Variants in MDGA2 observed in about 807,000 individuals in gnomAD.
MDGA2 encodes MAM domain-containing glycosylphosphatidylinositol anchor protein 2.
In MDGA2, 40 loss-of-function variants were observed where a neutral mutation model predicts 117.8. That is an observed-to-expected ratio of 0.34 (90% CI 0.26 to 0.44). The LOEUF (loss-of-function observed/expected upper bound fraction) is 0.44. Among genes scored for constraint, MDGA2 ranks in the 20% least tolerant of loss-of-function variants. MDGA2 has a pLI of 1.00. For missense variants in MDGA2, 1,123 were observed against 1,250.6 expected, an observed-to-expected ratio of 0.90 and a Z score of 1.54; for synonymous variants, 452 against 439.0, an observed-to-expected ratio of 1.03 and a Z score of -0.37.
chr14:47,080,193 C>T (rs11157540), intron 6 of MDGA2, among the ~76,000 whole-genome samples: 128,373 of 152,106 alleles, frequency 0.84, 54,608 homozygotes, highest in East Asian at 0.97. Flanking sequence ...TCATTACAGA[C>T]AGGGTAGAAG....
chr14:46,842,643 G>C (rs560405234), intron 16 of MDGA2, among the ~76,000 whole-genome samples: 1 of 152,280 alleles, frequency 6.6e-6, no homozygotes, highest in South Asian at 2.1e-4. Flanking sequence ...TGGGATTTCT[G>C]TTAAAACCTG....
chr14:47,380,188 A>G (rs1020083735), intron 1 of MDGA2, among the ~76,000 whole-genome samples: 5 of 152,182 alleles, frequency 3.3e-5, no homozygotes, highest in African/African-American at 1.2e-4. Context: ...CAAAGACACA[A>G]CATACGAGAA....
intron 1 of MDGA2, among the ~76,000 whole-genome samples, chr14:47,515,118 T>C (rs1894724588): frequency 6.6e-6 from 1 of 152,156 alleles, no homozygotes; most frequent in Admixed American, 6.6e-5. Flanking sequence ...AGTTAGAAAG[T>C]AATGGTAAAG....
At chr14:46,938,215 C>T (rs1189535657) in intron 9 of MDGA2, among the ~76,000 whole-genome samples, 1 of 151,846 alleles carries the variant, frequency 6.6e-6, no homozygotes, top group African/African-American at 2.4e-5. Context: ...CATCACTAAT[C>T]ATCAGGGAAA....
At chr14:47,140,460 T>C (rs1470781506) in intron 4 of MDGA2, among the ~76,000 whole-genome samples, 1 of 151,952 alleles carries the variant, frequency 6.6e-6, no homozygotes, top group Non-Finnish European at 1.5e-5. Context: ...CAAAACAGCA[T>C]AGTACTGACA....
At chr14:47,517,516 GA>G (rs557293057) in intron 1 of MDGA2, among the ~76,000 whole-genome samples, 11 of 151,496 alleles carry the variant, frequency 7.3e-5, no homozygotes, top group African/African-American at 2.4e-4. Flanking sequence ...GATGAGATTT[GA>G]AAAAAAATCA....
intron 8 of MDGA2, among the ~76,000 whole-genome samples, chr14:46,972,960 A>G (rs28431321): frequency 0.035 from 5,324 of 152,234 alleles, 301 homozygotes; most frequent in African/African-American, 0.12. Context: ...AAAATGGGCC[A>G]AAGACCTTAA....
intron 1 of MDGA2, among the ~76,000 whole-genome samples, chr14:47,596,207 TA>T (rs1311422495): frequency 6.6e-6 from 1 of 152,220 alleles, no homozygotes; most frequent in African/African-American, 2.4e-5. Context: ...TAATTATATC[TA>T]AATGAAATTT....
intron 1 of MDGA2, among the ~76,000 whole-genome samples, chr14:47,374,108 A>G (rs1891425100): frequency 6.6e-6 from 1 of 152,142 alleles, no homozygotes; most frequent in Admixed American, 6.6e-5. Flanking sequence ...ATAATATGCC[A>G]TATTTTTCTT....
intron 3 of MDGA2, among the ~76,000 whole-genome samples, chr14:47,174,642 C>T (rs1884350301): frequency 6.6e-6 from 1 of 152,028 alleles, no homozygotes; most frequent in South Asian, 2.1e-4. Context: ...GGGACACATT[C>T]AAAGCAGTGA....
At chr14:47,584,078 G>A (rs1896277760) in intron 1 of MDGA2, among the ~76,000 whole-genome samples, 2 of 151,854 alleles carry the variant, frequency 1.3e-5, no homozygotes, top group Admixed American at 1.3e-4. Context: ...TGAGAAACTT[G>A]TAAATGTTTA....
Position 47,603,919 on chromosome 14 carries a change from C to T in MDGA2, c.280+70598G>A, listed in dbSNP as rs142234092. On this transcript the variant is annotated intron_variant, in intron 1 of 16. Transcript: ENST00000399232. ...GGTACCTTCCCTGCTCTCTTTCTTG[C>T]TCCTGCTCTTGCCATGTGAAGTGCC... 1.8e-3 allele frequency among the ~76,000 whole-genome samples: 272 copies of T among 152,260 alleles called. 4 individuals are homozygous for T. Among genetic ancestry groups the T allele is most frequent in the African/African-American group, 6.4e-3 (267 of 41,552 alleles).
intron 3 of MDGA2, among the ~76,000 whole-genome samples, chr14:47,176,288 T>C (rs2139348022): frequency 1.3e-5 from 2 of 152,060 alleles, no homozygotes; most frequent in South Asian, 4.1e-4. Flanking sequence ...TTCACAGAAA[T>C]GAAAAAAACT....
At chr14:47,239,701 T>C (rs192072619) in intron 2 of MDGA2, among the ~76,000 whole-genome samples, 55 of 152,008 alleles carry the variant, frequency 3.6e-4, no homozygotes, top group African/African-American at 1.3e-3. Context: ...AAAAAAGTTT[T>C]CAATGCTTAA....
At chr14:46,958,437 T>C (rs1487808737) in intron 8 of MDGA2, among the ~76,000 whole-genome samples, 1 of 152,230 alleles carries the variant, frequency 6.6e-6, no homozygotes, top group Non-Finnish European at 1.5e-5. Flanking sequence ...GGAGGTCTTC[T>C]AAAATTTTTA....
At chr14:47,147,372 G>T (rs924920072) in intron 3 of MDGA2, among the ~76,000 whole-genome samples, 10 of 152,280 alleles carry the variant, frequency 6.6e-5, no homozygotes, top group Admixed American at 6.5e-4. Flanking sequence ...ATGAGAGAGT[G>T]AAAGAAGTAG....
chr14:47,408,395 T>A (rs1003166175), intron 1 of MDGA2, among the ~76,000 whole-genome samples: 4 of 152,170 alleles, frequency 2.6e-5, no homozygotes, highest in African/African-American at 9.7e-5. Flanking sequence ...TCTAATCATA[T>A]GATCTTTTAA....
intron 1 of MDGA2, among the ~76,000 whole-genome samples, chr14:47,380,126 T>A (rs1174324890): frequency 2.0e-5 from 3 of 152,048 alleles, no homozygotes; most frequent in African/African-American, 7.2e-5. Context: ...ATGTACTGGG[T>A]ATGTAATGAA....
chr14:47,418,066 T>G lies in MDGA2; in HGVS notation c.281-116516A>C, dbSNP rs564283664. 1.5e-3 allele frequency among the ~76,000 whole-genome samples: 228 copies of G among 151,954 alleles called. 2 individuals carry two copies. The highest frequency in any genetic ancestry group is 5.2e-3 in the African/African-American group (216 of 41,456). On this transcript the variant is annotated intron_variant, in intron 1 of 16. Coordinates refer to ENST00000399232, the MANE Select transcript of MDGA2 (RefSeq NM_001113498.3). ...TGGGCTGCTATAAAAATTAGGGTAC[T>G]TTTTAATTTTTTAATTTTTTATTTC...
Sources: allele counts gnomAD v4.1 joint callset (sites outside exome capture counted in the v4.1 genomes callset), GRCh38; gene constraint gnomAD v4.1.1; transcripts MANE v1.5; gene names NCBI Gene and HGNC (gene_info 2026-07-23, HGNC 2026-07-21).